TG: variants seen among roughly 807,000 people sequenced by gnomAD.
The protein encoded by TG is thyroid hormones.
Under a neutral mutation model 324.7 loss-of-function variants are expected in TG, and 270 were observed. That is an observed-to-expected ratio of 0.83 (90% CI 0.75 to 0.92). The LOEUF is 0.92. Among genes scored for constraint, TG ranks in the 40% least tolerant of loss-of-function variants. The pLI, the probability that TG is intolerant of heterozygous loss-of-function variation, is 0.00. For missense variants in TG, 3,591 were observed against 3,456.4 expected (o/e 1.04, Z -0.98); for synonymous variants, 1,401 against 1,327.0 (o/e 1.06, Z -1.21).
chr8:132,903,565 G>C (rs1188063474), intron 16 of TG, among the ~76,000 whole-genome samples: 1 of 152,194 alleles, frequency 6.6e-6, no homozygotes, highest in South Asian at 2.1e-4. Context: ...CCAGGTTCCT[G>C]GTCATGTGAT....
At chr8:133,080,903 C>T (rs1377679652) in intron 41 of TG, among the ~76,000 whole-genome samples, 1 of 152,228 alleles carries the variant, frequency 6.6e-6, no homozygotes, top group Non-Finnish European at 1.5e-5. Context: ...CTAGATGCCT[C>T]TCAACCAACA....
chr8:132,868,335 G>C (rs1296971576), intron 2 of TG, 112 bp downstream of exon 2: 2 of 998,782 alleles, frequency 2.0e-6, no homozygotes, highest in Non-Finnish European at 3.1e-6. Context: ...TGCATGTGAG[G>C]CTTGGCCACT....
chr8:132,999,078 T>C (rs1395663865), intron 35 of TG, among the ~76,000 whole-genome samples: 2 of 152,080 alleles, frequency 1.3e-5, no homozygotes, highest in African/African-American at 4.8e-5. Context: ...GAGGGGACAT[T>C]ACAGTCATGG....
intron 26 of TG, among the ~76,000 whole-genome samples, chr8:132,944,290 C>A (rs1171397433): frequency 1.3e-5 from 2 of 152,180 alleles, no homozygotes; most frequent in Non-Finnish European, 2.9e-5. Context: ...TTTCTTGGCA[C>A]CTGTACCAGT....
rs749564441 is a variant in TG, at chr8:132,886,571, G to A, written c.1199G>A (p.Arg400Lys). 6.2e-7 allele frequency: 1 copy of A among 1,614,188 alleles called. No individual in the cohort carries two copies. Among genetic ancestry groups the A allele is most frequent in the Non-Finnish European group, 8.5e-7 (1 of 1,180,044 alleles). Residue 400 changes from arginine (R) to lysine (K), a missense_variant, in exon 9 of 48, where the codon AGA (arginine) becomes AAA (lysine). Physicochemically the swap from Arg to Lys is conservative, Grantham distance 26. Coordinates refer to ENST00000220616, the MANE Select transcript of TG (RefSeq NM_003235.5). Reference protein sequence around the residue: ...SSPEKRWASPRVARFATSCPP... With the variant: ...SSPEKRWASPKVARFATSCPP... ...CCAGAGAAAAGATGGGCCTCTCCAA[G>A]AGTAGCCAGATTTGCCACATCCTGC... is the stretch of plus-strand genomic sequence containing the variant.
At position 133,017,848 on chromosome 8, in the gene TG, C is replaced by CAGGT. The variant is rs775044481; in HGVS notation, c.6634_6637dup (p.Ser2213Ter). ...TTTCCACCCATGGCCGGCTGCTGGG[C>CAGGT]AGGTCCCAGGCCATCCAGGTGGGTA... is the stretch of plus-strand genomic sequence containing the variant. On this transcript the variant is annotated frameshift_variant, in exon 38 of 48. Transcript: ENST00000220616. LOFTEE classifies it high-confidence loss of function. The CAGGT allele has an allele frequency of 1.9e-5, 31 of 1,614,056 alleles. No individual in the cohort carries two copies. The highest frequency in any genetic ancestry group is 2.7e-5 in the African/African-American group (2 of 74,918).
chr8:132,985,186 A>T (rs1469839451), intron 35 of TG, among the ~76,000 whole-genome samples: 1 of 152,206 alleles, frequency 6.6e-6, no homozygotes, highest in Non-Finnish European at 1.5e-5. Context: ...CAAAACTTGA[A>T]TTTGCTGTGC....
intron 39 of TG, 115 bp downstream of exon 39, chr8:133,019,810 G>T (rs1382826479): frequency 1.1e-6 from 1 of 878,216 alleles, no homozygotes. Flanking sequence ...CTGAGCTGAG[G>T]TTAGGTGATT....
intron 41 of TG, among the ~76,000 whole-genome samples, chr8:133,087,071 T>TACACACACACACACAC (rs56028043): frequency 2.1e-5 from 3 of 143,136 alleles, no homozygotes; most frequent in African/African-American, 7.9e-5. Context: ...AATATATGTT[T>TACACACACACACACAC]ACACACACAC....
chr8:132,907,680 A>G (rs16904785), intron 17 of TG, among the ~76,000 whole-genome samples: 2 of 152,164 alleles, frequency 1.3e-5, no homozygotes, highest in Non-Finnish European at 2.9e-5. Flanking sequence ...CACTTTGACT[A>G]TGTTGAAATC....
chr8:132,908,178 G>C lies in TG; in HGVS notation c.3848-8G>C. The C allele has an allele frequency of 6.2e-7, 1 of 1,613,702 alleles. No homozygotes were observed. On this transcript the variant is annotated splice_region_variant and splice_polypyrimidine_tract_variant and intron_variant, in intron 17 of 47. Coordinates refer to ENST00000220616, the MANE Select transcript of TG (RefSeq NM_003235.5). ...TTGCCTCTGCTGATCTCTGGTGCTT[G>C]CCTGCAGGGCCCCAGCTGTGGCAGA...
intron 45 of TG, among the ~76,000 whole-genome samples, chr8:133,128,236 A>G (rs1851670283): frequency 6.6e-6 from 1 of 151,968 alleles, no homozygotes; most frequent in Non-Finnish European, 1.5e-5. Flanking sequence ...GGCATTCGGC[A>G]ACTGTGGGCG....
intron 35 of TG, among the ~76,000 whole-genome samples, chr8:132,986,844 T>A (rs1002208363): frequency 6.6e-6 from 1 of 152,200 alleles, no homozygotes; most frequent in Non-Finnish European, 1.5e-5. Flanking sequence ...TTACCAGCCG[T>A]AAATTAAAGT....
intron 43 of TG, chr8:133,102,563 TC>T (rs1244727275): frequency 6.4e-7 from 1 of 1,551,614 alleles, no homozygotes; most frequent in African/African-American, 1.4e-5. Context: ...CGGTGGAGCA[TC>T]AGGGCTGCCT....
intron 41 of TG, among the ~76,000 whole-genome samples, chr8:133,046,939 T>C (rs1041432095): frequency 1.4e-4 from 22 of 152,364 alleles, no homozygotes; most frequent in African/African-American, 4.8e-4. Flanking sequence ...GTGTGTTTTC[T>C]CTTCTTTGAT....
intron 23 of TG, 67 bp from the exon 24 acceptor site, chr8:132,933,494 T>G: frequency 7.9e-7 from 1 of 1,272,508 alleles, no homozygotes; most frequent in Non-Finnish European, 1.1e-6. Flanking sequence ...GGCAGGGGGA[T>G]GTGTCTGCTC....
rs564035040 is a variant in TG at position 132,900,464 on chromosome 8, A to G, written c.3433+125A>G. On this transcript the variant is annotated intron_variant, in intron 15 of 47. Coordinates refer to ENST00000220616, the MANE Select transcript of TG (RefSeq NM_003235.5). Reference sequence around the variant, plus strand: ...CATAGCTGTGGGGGCACAGCTGCTGACCTCACTATGCCTCAGTTTTCTCAT... The same window carrying G: ...CATAGCTGTGGGGGCACAGCTGCTGGCCTCACTATGCCTCAGTTTTCTCAT... 6.4e-5 allele frequency: 55 copies of G among 859,806 alleles called. No individual in the cohort carries two copies. The African/African-American group carries it at 8.5e-4, about 13-fold the overall frequency. The allele number at this position is 859,806 out of a possible 1,614,324, so 53.3% of individuals were successfully genotyped here.
At chr8:133,086,718 C>A (rs993405145) in intron 41 of TG, among the ~76,000 whole-genome samples, 1 of 152,134 alleles carries the variant, frequency 6.6e-6, no homozygotes, top group Non-Finnish European at 1.5e-5. Flanking sequence ...ATTTGTAATG[C>A]ACCATACTGT....
chr8:132,955,981 C>T (rs548960955), intron 27 of TG, among the ~76,000 whole-genome samples: 136 of 152,288 alleles, frequency 8.9e-4, no homozygotes, highest in African/African-American at 3.1e-3. Context: ...GGGCTGGAGG[C>T]CTGTATGTGT....
Sources: allele counts gnomAD v4.1 joint callset (sites outside exome capture counted in the v4.1 genomes callset), GRCh38; gene constraint gnomAD v4.1.1; transcripts MANE v1.5; gene names NCBI Gene and HGNC (gene_info 2026-07-23, HGNC 2026-07-21).